The following DDX24 variants were observed in gnomAD, a reference collection of about 807,000 sequenced individuals.
The protein encoded by DDX24 is DEAD-box helicase 24, also known as ATP-dependent RNA helicase DDX24.
A neutral mutation model predicts 68.9 loss-of-function variants in DDX24; 24 were observed. The observed-to-expected ratio is 0.35, with a 90% CI of 0.25 to 0.49. The LOEUF (loss-of-function observed/expected upper bound fraction) is 0.49. Ranked by LOEUF, DDX24 falls within the 20% of genes least tolerant of loss-of-function variation. The probability of loss-of-function intolerance (pLI) is 0.99; values close to 1 mark genes in which losing one functional copy is unlikely to be tolerated. For missense variants in DDX24, 989 were observed against 1,039.0 expected (o/e 0.95, Z 0.66); for synonymous variants, 395 against 385.2 (o/e 1.03, Z -0.30).
chr14:94,051,343 G>C lies in DDX24; in HGVS notation c.2428C>G (p.Pro810Ala), dbSNP rs1219547951. Residue 810 changes from proline (P) to alanine (A), a missense_variant, in exon 9 of 9, where the codon CCC (proline) becomes GCC (alanine). By Grantham distance (27) the Pro-to-Ala change is conservative (BLOSUM62 -1). This residue lies in a region of DDX24 where 691 missense variants were observed against 760.0 expected (regional missense o/e 0.91). Coordinates refer to ENST00000621632, the MANE Select transcript of DDX24 (RefSeq NM_020414.4). Reference sequence around the variant, plus strand: ...AGGGGCGGCTTGCCAGACTGAGTGGGATACTTGGTTTTCTGGCTCTCCGTA... The same window carrying C: ...AGGGGCGGCTTGCCAGACTGAGTGGCATACTTGGTTTTCTGGCTCTCCGTA... ...LFTESQKTKY[P>A]TQSGKPPLLV... The C allele has an allele frequency of 6.2e-7, 1 of 1,613,344 alleles. No individual in the cohort carries two copies. Among genetic ancestry groups the C allele is most frequent in the Non-Finnish European group, 8.5e-7 (1 of 1,179,910 alleles).
intron 8 of DDX24, chr14:94,051,723 G>C: frequency 2.5e-6 from 1 of 392,384 alleles, no homozygotes. Flanking sequence ...TTACAGATGA[G>C]GCAACTCAGG....
intron 1 of DDX24, among the ~76,000 whole-genome samples, chr14:94,080,774 G>A (rs1247459178): frequency 1.3e-5 from 2 of 152,158 alleles, no homozygotes; most frequent in African/African-American, 2.4e-5. Flanking sequence ...GGTGCCACGC[G>A]AACCGGGCGA....
intron 2 of DDX24, among the ~76,000 whole-genome samples, chr14:94,074,631 A>G (rs977486734): frequency 6.6e-6 from 1 of 152,244 alleles, no homozygotes; most frequent in Admixed American, 6.5e-5. Flanking sequence ...GTGAAAGACT[A>G]AATGTTTTCC....
chr14:94,079,474 C>CCCT lies in DDX24; in HGVS notation c.266_268dup (p.Glu89dup), dbSNP rs550657596. 2,930 of 1,613,938 alleles carry CCCT rather than the reference C, an allele frequency of 1.8e-3. 55 individuals are homozygous for CCCT. In the South Asian group the frequency reaches 0.03, roughly 16 times the overall value. ...CTTTTTCTTTGGTGAGCTAGACTTT[C>CCCT]CCTCCTCCTCCTCCTCTTCTTCTGA... On this transcript the variant is annotated inframe_insertion, in exon 2 of 9. Coordinates refer to ENST00000621632, the MANE Select transcript of DDX24 (RefSeq NM_020414.4).
At position 94,048,506 on chromosome 14, in the gene DDX24, CCCCAATT is replaced by C. The variant is rs1339749983; in HGVS notation, c.*2678_*2684del. 6.6e-6 allele frequency: 1 copy of C among 152,212 alleles called. No homozygotes were observed. The highest frequency in any genetic ancestry group is 2.4e-5 in the African/African-American group (1 of 41,442). The allele number at this position is 152,212 out of a possible 1,614,324, so 9.4% of individuals were successfully genotyped here. A position where few individuals can be genotyped will look rare whatever the true frequency, so the allele number is the denominator to read the frequency against. On this transcript the variant is annotated 3_prime_UTR_variant, in exon 9 of 9. Transcript: ENST00000621632. ...GGCCAAGTCACTTCACCTCCCTGAG[CCCCAATT>C]CCCAAGTTTGTGAAATGGCAACAAT...
In DDX24 at chr14:94,048,583, T is replaced by C. The variant is rs1278932337; in HGVS notation, c.*2608A>G. 6.6e-6 allele frequency: 1 copy of C among 152,202 alleles called. No homozygotes were observed. Among genetic ancestry groups the C allele is most frequent in the East Asian group, 1.9e-4 (1 of 5,194 alleles). 9.4% of individuals were successfully genotyped at this position (152,202 alleles called of 1,614,324 possible). On this transcript the variant is annotated 3_prime_UTR_variant, in exon 9 of 9. Coordinates refer to ENST00000621632, the MANE Select transcript of DDX24 (RefSeq NM_020414.4). ...ATTGGTTAAAACAGAATGAGATTCCTTGTGTGAAAATAGCTATTATACCTG... is the reference window on the plus strand; with the variant it reads ...ATTGGTTAAAACAGAATGAGATTCCCTGTGTGAAAATAGCTATTATACCTG...
At chr14:94,057,362 T>TTA (rs1167899375) in intron 6 of DDX24, 3 of 155,208 alleles carry the variant, frequency 1.9e-5, no homozygotes, top group Non-Finnish European at 4.3e-5. Flanking sequence ...GTAACTTATT[T>TTA]TACCTCAGTA....
In DDX24 at chr14:94,048,689, G is replaced by A. The variant is rs1182954933; in HGVS notation, c.*2502C>T. On this transcript the variant is annotated 3_prime_UTR_variant, in exon 9 of 9. Transcript: ENST00000621632. ...CAGGAAGCATAGGGCACTGCAGATG[G>A]GGAAGCATGTCACCTTGGCAGTGAC... 1.3e-5 allele frequency: 2 copies of A among 152,182 alleles called. No homozygotes were observed. The highest frequency in any genetic ancestry group is 2.1e-4 in the South Asian group (1 of 4,830). The allele number at this position is 152,182 out of a possible 1,614,324, so 9.4% of individuals were successfully genotyped here.
rs928387922 is a variant in DDX24, at chr14:94,060,480, T to A, written c.1531A>T (p.Thr511Ser). ...RQTLVFSATL[T>S]LVHQAPARIL... ...CGAGCAGGAGCCTGATGCACCAGGGTGAGTGTGGCAGAAAAAACAAGCGTT... is the reference window on the plus strand; with the variant it reads ...CGAGCAGGAGCCTGATGCACCAGGGAGAGTGTGGCAGAAAAAACAAGCGTT... Residue 511 changes from threonine (T) to serine (S), a missense_variant, in exon 5 of 9, where the codon ACC (threonine) becomes TCC (serine). Physicochemically the swap from Thr to Ser is moderately conservative, Grantham distance 58 (BLOSUM62 1). This residue lies in a region of DDX24 where 691 missense variants were observed against 760.0 expected (regional missense o/e 0.91). Transcript: ENST00000621632. 1 of 1,614,044 alleles carries A rather than the reference T, an allele frequency of 6.2e-7. No individual in the cohort carries two copies. The highest frequency in any genetic ancestry group is 1.3e-5 in the African/African-American group (1 of 74,972).
rs77450541 is a variant in DDX24, at chr14:94,061,188, T to C, written c.1244-122A>G. ...CAGCACAGTGTAATGCCCTAGAGCATTGCTAAAAGAGCAGGCCTGGCCAGA... is the reference window on the plus strand; with the variant it reads ...CAGCACAGTGTAATGCCCTAGAGCACTGCTAAAAGAGCAGGCCTGGCCAGA... On this transcript the variant is annotated intron_variant, in intron 3 of 8. Transcript: ENST00000621632. 91,160 of 1,152,350 alleles carry C rather than the reference T, an allele frequency of 0.079. 4,045 individuals carry two copies. Among genetic ancestry groups the C allele is most frequent in the Middle Eastern group, 0.17 (821 of 4,866 alleles). 71.4% of individuals were successfully genotyped at this position (1,152,350 alleles called of 1,614,324 possible).
chr14:94,073,999 C>T (rs1235804833), intron 2 of DDX24, among the ~76,000 whole-genome samples: 1 of 148,556 alleles, frequency 6.7e-6, no homozygotes, highest in East Asian at 2.0e-4. Flanking sequence ...GCTGAGATCG[C>T]ACCACTGCAC....
At chr14:94,052,612 G>C (rs1885408118) in intron 8 of DDX24, among the ~76,000 whole-genome samples, 1 of 152,236 alleles carries the variant, frequency 6.6e-6, no homozygotes. Context: ...ACAATCCCAT[G>C]AAGTAGGTAG....
intron 3 of DDX24, 132 bp downstream of exon 3, chr14:94,061,965 T>C (rs1409061591): frequency 1.9e-6 from 2 of 1,026,760 alleles, no homozygotes; most frequent in African/African-American, 3.2e-5. Context: ...CAATTTTCTG[T>C]AGGGCTTAAT....
chr14:94,074,608 A>G (rs1017581674), intron 2 of DDX24, among the ~76,000 whole-genome samples: 5 of 152,234 alleles, frequency 3.3e-5, no homozygotes, highest in African/African-American at 1.2e-4. Flanking sequence ...TACAGCTAAG[A>G]TCAGACTTAA....
In DDX24 at chr14:94,079,637, G is replaced by A. The variant is rs1440611276; in HGVS notation, c.106C>T (p.Pro36Ser). 2 of 1,613,932 alleles carry A rather than the reference G, an allele frequency of 1.2e-6. No individual in the cohort carries two copies. Among genetic ancestry groups the A allele is most frequent in the Non-Finnish European group, 1.7e-6 (2 of 1,179,962 alleles). The change falls in exon 2 of 9, where the codon CCA (proline) becomes TCA (serine). Residue 36 changes from proline to serine, a missense_variant. Pro to Ser is a moderately conservative substitution (Grantham distance 74). Coordinates refer to ENST00000621632, the MANE Select transcript of DDX24 (RefSeq NM_020414.4). ...VGKWKEVKID[P>S]NMFADGQMDD... ...ATCTGTCCATCTGCAAACATATTTGGGTCAATCTTCACTTCCTTCCATTTT... is the reference window on the plus strand; with the variant it reads ...ATCTGTCCATCTGCAAACATATTTGAGTCAATCTTCACTTCCTTCCATTTT...
In DDX24 at chr14:94,048,332, G is replaced by A. The variant is rs1039296679; in HGVS notation, c.*2859C>T. On this transcript the variant is annotated 3_prime_UTR_variant, in exon 9 of 9. Transcript: ENST00000621632. ...TTATTATGATACTTTCTCTCCAAAG[G>A]AAACTTTTAAATCAATGGGAACAAT... The A allele has an allele frequency of 5.3e-5, 8 of 152,320 alleles. No individual in the cohort carries two copies. Among genetic ancestry groups the A allele is most frequent in the Admixed American group, 4.6e-4 (7 of 15,304 alleles). The allele number at this position is 152,320 out of a possible 1,614,324, so 9.4% of individuals were successfully genotyped here. A position where few individuals can be genotyped will look rare whatever the true frequency, so the allele number is the denominator to read the frequency against.
intron 2 of DDX24, among the ~76,000 whole-genome samples, chr14:94,074,908 T>A (rs998854996): frequency 2.6e-5 from 4 of 152,058 alleles, no homozygotes; most frequent in Non-Finnish European, 4.4e-5. Context: ...AAATTACCAT[T>A]TACAATAGAA....
intron 5 of DDX24, 118 bp downstream of exon 5, chr14:94,059,980 T>A: frequency 1.0e-5 from 12 of 1,184,466 alleles, no homozygotes; most frequent in Non-Finnish European, 1.4e-5. Context: ...GGCTACCTAC[T>A]ACTGAGACAA....
intron 5 of DDX24, among the ~76,000 whole-genome samples, chr14:94,059,413 GGC>G (rs1885550023): frequency 6.6e-6 from 1 of 152,266 alleles, no homozygotes; most frequent in South Asian, 2.1e-4. Context: ...ACCACTTCCA[GGC>G]AGAGAAACCT....
Sources: gnomAD v4.1 joint callset for allele counts (sites outside exome capture counted in the v4.1 genomes callset) on GRCh38, gnomAD v4.1.1 for gene constraint, gnomAD v4.1.1 regional missense constraint, MANE v1.5 for transcripts, NCBI Gene and HGNC (gene_info 2026-07-23, HGNC 2026-07-21) for gene names.